The following CLTRN variants were observed in gnomAD, a reference collection of about 807,000 sequenced individuals.
The protein encoded by CLTRN is collectrin.
In CLTRN, 12 loss-of-function variants were observed where a neutral mutation model predicts 14.5. The observed-to-expected ratio is 0.83, with a 90% CI of 0.53 to 1.34. The LOEUF is 1.34. Among genes scored for constraint, CLTRN ranks in the 40% most tolerant of loss-of-function variants. CLTRN has a pLI of 0.00. For missense variants in CLTRN, 154 were observed against 165.1 expected (o/e 0.93, Z 0.37); for synonymous variants, 58 against 56.5 (o/e 1.03, Z -0.12).
intron 5 of CLTRN, among the ~76,000 whole-genome samples, chrX:15,637,900 T>A (rs1245700051): frequency 8.9e-6 from 1 of 112,282 alleles, no homozygotes; most frequent in Admixed American, 9.5e-5. Context: ...TATATTCTCC[T>A]AAGCTCAGTT....
chrX:15,669,794 A>C (rs1929683687), upstream of CLTRN, among the ~76,000 whole-genome samples: 1 of 112,327 alleles, frequency 8.9e-6, no homozygotes, highest in African/African-American at 3.2e-5. Flanking sequence ...TTTCATTATC[A>C]AAAACAGAAA....
chrX:15,665,613 C>T (rs56821287), upstream of CLTRN, among the ~76,000 whole-genome samples: 6,232 of 112,003 alleles, frequency 0.056, 401 homozygotes, highest in African/African-American at 0.19. Context: ...AATATGGCAG[C>T]TACTACAGGT....
At chrX:15,639,399 T>C (rs1307666411) in intron 5 of CLTRN, among the ~76,000 whole-genome samples, 163 bp downstream of exon 5, 1 of 112,199 alleles carries the variant, frequency 8.9e-6, no homozygotes, top group Admixed American at 9.5e-5. Context: ...CTAAAATATA[T>C]CTAAAGAAAA....
rs1929707751 is a variant in CLTRN, at chrX:15,670,907, T to C, written c.-505-2971A>G. On this transcript the variant is annotated intron_variant, in intron 1 of 6. Transcript: ENST00000650271. ...GTGTGTGTGTGTGTGTGTGTGTGTG[T>C]GTGTGTGTGTGTGTGTGTGTGTGTG... Among the ~76,000 whole-genome samples, 4 of 101,192 alleles carry C rather than the reference T, an allele frequency of 4.0e-5. No homozygotes were observed. The South Asian group carries it at 1.7e-3, about 43-fold the overall frequency. 87.9% of individuals were successfully genotyped at this position (101,192 alleles called of 115,157 possible).
At chrX:15,641,988 TACA>T (rs1370377248) in intron 4 of CLTRN, among the ~76,000 whole-genome samples, 3 of 111,936 alleles carry the variant, frequency 2.7e-5, no homozygotes, top group Non-Finnish European at 5.6e-5. Flanking sequence ...CCAGATAATC[TACA>T]ACAAGGGATT....
intron 3 of CLTRN, among the ~76,000 whole-genome samples, chrX:15,648,581 G>A (rs533623423): frequency 1.8e-5 from 2 of 111,561 alleles, no homozygotes; most frequent in South Asian, 3.7e-4. Context: ...GGGAGGCTGA[G>A]GGGGGCAGAT....
intron 3 of CLTRN, among the ~76,000 whole-genome samples, chrX:15,656,780 C>G (rs1167256292): frequency 9.0e-6 from 1 of 110,698 alleles, no homozygotes; most frequent in East Asian, 2.8e-4. Context: ...AAACACATCT[C>G]GCTCGCCAAT....
At chrX:15,645,115 TAA>T in intron 3 of CLTRN, 86 bp from the exon 4 acceptor site, 1 of 493,204 alleles carries the variant, frequency 2.0e-6, no homozygotes, top group Non-Finnish European at 3.3e-6. Context: ...ACTACTATCT[TAA>T]GAGACATCTT....
intron 3 of CLTRN, among the ~76,000 whole-genome samples, chrX:15,654,541 A>G (rs1929302886): frequency 8.9e-6 from 1 of 112,372 alleles, no homozygotes; most frequent in South Asian, 3.7e-4. Context: ...TCTTCAATCC[A>G]AGTTCCAGGA....
intron 1 of CLTRN, among the ~76,000 whole-genome samples, chrX:15,670,879 AGTGTGTGTGT>A (rs543420208): frequency 0.1 from 8,676 of 84,919 alleles, 451 homozygotes; most frequent in Middle Eastern, 0.2. Context: ...AAGGGAGACA[AGTGTGTGTGT>A]GTGTGTGTGT....
At chrX:15,630,960 T>C (rs1569248060) in intron 5 of CLTRN, among the ~76,000 whole-genome samples, 2 of 112,166 alleles carry the variant, frequency 1.8e-5, no homozygotes, top group Admixed American at 1.9e-4. Flanking sequence ...TCTATAACCA[T>C]CAATCACATC....
At chrX:15,670,658 G>A (rs925687325) in intron 1 of CLTRN, among the ~76,000 whole-genome samples, 1 of 111,071 alleles carries the variant, frequency 9.0e-6, no homozygotes, top group Non-Finnish European at 1.9e-5. Flanking sequence ...AATTGGGGGT[G>A]ATTTTGTGCT....
intron 5 of CLTRN, among the ~76,000 whole-genome samples, chrX:15,630,195 T>C (rs1304348277): frequency 3.6e-5 from 4 of 111,614 alleles, no homozygotes; most frequent in African/African-American, 1.3e-4. Flanking sequence ...GGCTAGATGA[T>C]ATATTAATGG....
intron 4 of CLTRN, among the ~76,000 whole-genome samples, chrX:15,642,090 C>G (rs1220836844): frequency 1.8e-5 from 2 of 112,361 alleles, no homozygotes; most frequent in African/African-American, 6.5e-5. Flanking sequence ...ATGAAACCCA[C>G]TGCTAAGATA....
At position 15,627,911 on chromosome X, in the gene CLTRN, T is replaced by C. The variant is rs189250867; in HGVS notation, c.*60A>G. ...ATGATCTGCTCTTGGTATTTCAGGA[T>C]GCTCAGCAGTCACACAGAAACAAAT... On this transcript the variant is annotated 3_prime_UTR_variant, in exon 6 of 6. Transcript: ENST00000380342. 5.6e-6 allele frequency: 5 copies of C among 886,106 alleles called. No homozygotes were observed. In the South Asian group the frequency reaches 1.6e-4, roughly 29 times the overall value. The allele number at this position is 886,106 out of a possible 1,213,427, so 73.0% of individuals were successfully genotyped here.
Position 15,670,352 on chromosome X carries a change from A to AC in CLTRN, c.-505-2417_-505-2416insG, listed in dbSNP as rs1397043234. On this transcript the variant is annotated intron_variant, in intron 1 of 6. Transcript: ENST00000650271. ...ACACACACACACACACACACACACA[A>AC]ACCCCTTTGGAAGTTTTAATATCTT... Among the ~76,000 whole-genome samples the AC allele has an allele frequency of 6.5e-4, 38 of 58,376 alleles. No individual in the cohort carries two copies. The East Asian group carries it at 0.028, about 43-fold the overall frequency. The allele number at this position is 58,376 out of a possible 115,157, so 50.7% of individuals were successfully genotyped here.
upstream of CLTRN, among the ~76,000 whole-genome samples, chrX:15,668,640 G>A (rs1348119885): frequency 2.7e-5 from 3 of 110,714 alleles, no homozygotes; most frequent in East Asian, 2.8e-4. Context: ...TTCTTGAAGC[G>A]TTTTTTTTCC....
At position 15,658,997 on chromosome X, in the gene CLTRN, T is replaced by G; in HGVS notation, c.203+19A>C. ...TAATACTGTAAATAATCAGTTAAGA[T>G]TTCTCATTATTTGCTTACTCTGTTG... On this transcript the variant is annotated intron_variant, in intron 3 of 5. Transcript: ENST00000380342. 2.0e-6 allele frequency: 2 copies of G among 990,534 alleles called. No individual in the cohort carries two copies. Among genetic ancestry groups the G allele is most frequent in the African/African-American group, 3.8e-5 (2 of 53,176 alleles). The allele number at this position is 990,534 out of a possible 1,213,427, so 81.6% of individuals were successfully genotyped here.
At chrX:15,671,933 T>C (rs1929728297) in intron 1 of CLTRN, among the ~76,000 whole-genome samples, 1 of 110,611 alleles carries the variant, frequency 9.0e-6, no homozygotes, top group Non-Finnish European at 1.9e-5. Flanking sequence ...TGGAATATTT[T>C]TGTCTCCATC....
Sources: gnomAD v4.1 joint callset for allele counts (sites outside exome capture counted in the v4.1 genomes callset) on GRCh38, gnomAD v4.1.1 for gene constraint, MANE v1.5 for transcripts, NCBI Gene and HGNC (gene_info 2026-07-23, HGNC 2026-07-21) for gene names.